The following FBXW7 variants were observed in gnomAD, a reference collection of about 807,000 sequenced individuals.
FBXW7 encodes the protein F-box/WD repeat-containing protein 7.
FBXW7 carries 11 observed loss-of-function variants against 86.3 expected under a neutral mutation model. The ratio of observed to expected loss-of-function variants is 0.13; its 90% CI spans 0.08 to 0.21. FBXW7 has a LOEUF of 0.21. Ranked by LOEUF, FBXW7 falls within the 10% of genes least tolerant of loss-of-function variation. The pLI is 1.00. For synonymous variants in FBXW7, 313 were observed against 297.9 expected (o/e 1.05, Z -0.52); for missense variants, 488 against 847.4 (o/e 0.58, Z 5.27).
At chr4:152,511,072 C>G (rs1429337078) in intron 2 of FBXW7, among the ~76,000 whole-genome samples, 2 of 144,680 alleles carry the variant, frequency 1.4e-5, no homozygotes, top group Non-Finnish European at 3.0e-5. Flanking sequence ...GACAGGGGGT[C>G]TCTTCATGTT....
chr4:152,517,649 AG>A, intron 2 of FBXW7, among the ~76,000 whole-genome samples: 1 of 152,244 alleles, frequency 6.6e-6, no homozygotes, highest in Non-Finnish European at 1.5e-5. Flanking sequence ...GCTATAAAAT[AG>A]GGATATTAAC....
At chr4:152,405,222 T>G (rs757639855) in intron 4 of FBXW7, among the ~76,000 whole-genome samples, 1 of 151,394 alleles carries the variant, frequency 6.6e-6, no homozygotes, top group Non-Finnish European at 1.5e-5. Context: ...CTCAAAAAAG[T>G]GAAGAATTAT....
At chr4:152,402,077 G>C (rs1031190553) in intron 4 of FBXW7, among the ~76,000 whole-genome samples, 2 of 152,128 alleles carry the variant, frequency 1.3e-5, no homozygotes, top group African/African-American at 4.8e-5. Flanking sequence ...AGGGGAGTGG[G>C]GGAAATTCCC....
intron 11 of FBXW7, 102 bp from the exon 12 acceptor site, chr4:152,326,333 G>A: frequency 1.6e-6 from 1 of 644,252 alleles, no homozygotes; most frequent in South Asian, 2.3e-5. Flanking sequence ...AGGTTTTTTA[G>A]CTTTTTTTTT....
chr4:152,321,407 T>C lies in FBXW7; in HGVS notation c.*1474A>G. On this transcript the variant is annotated 3_prime_UTR_variant, in exon 14 of 14. Coordinates refer to ENST00000281708, the MANE Select transcript of FBXW7 (RefSeq NM_001349798.2). ...CTAAAATTAACCAACTTGAATCTGA[T>C]TGTTTTAAATCAGACTATAAATAAA... 4.3e-6 allele frequency: 1 copy of C among 233,002 alleles called. No individual in the cohort carries two copies. Among genetic ancestry groups the C allele is most frequent in the East Asian group, 6.1e-5 (1 of 16,460 alleles). The allele number at this position is 233,002 out of a possible 1,614,324, so 14.4% of individuals were successfully genotyped here. A position where few individuals can be genotyped will look rare whatever the true frequency, so the allele number is the denominator to read the frequency against.
intron 4 of FBXW7, among the ~76,000 whole-genome samples, chr4:152,400,630 A>G (rs538969424): frequency 1.3e-5 from 2 of 152,154 alleles, no homozygotes; most frequent in Non-Finnish European, 2.9e-5. Context: ...TATAGGTGTG[A>G]GCCATGGCAC....
At chr4:152,341,963 G>A (rs1325224373) in intron 6 of FBXW7, among the ~76,000 whole-genome samples, 1 of 151,892 alleles carries the variant, frequency 6.6e-6, no homozygotes, top group African/African-American at 2.4e-5. Context: ...ACCTCTTCAG[G>A]CCTTAGTTTA....
chr4:152,405,881 G>C (rs1037113480), intron 4 of FBXW7, among the ~76,000 whole-genome samples: 5 of 152,196 alleles, frequency 3.3e-5, no homozygotes, highest in African/African-American at 1.2e-4. Context: ...ACTTGGTTTG[G>C]AGAAAGAAAC....
intron 2 of FBXW7, among the ~76,000 whole-genome samples, chr4:152,447,091 C>T (rs1191530172): frequency 6.6e-6 from 1 of 152,178 alleles, no homozygotes; most frequent in East Asian, 1.9e-4. Flanking sequence ...ATATTTTCAA[C>T]TTTCTAGAAA....
chr4:152,527,865 T>TATACACACAC (rs1554003395), intron 2 of FBXW7, among the ~76,000 whole-genome samples: 45 of 137,480 alleles, frequency 3.3e-4, no homozygotes, highest in South Asian at 1.3e-3. Context: ...AAAAATTATA[T>TATACACACAC]ACACACACAC....
intron 2 of FBXW7, among the ~76,000 whole-genome samples, chr4:152,446,343 G>C (rs986192523): frequency 2.3e-5 from 1 of 42,806 alleles, no homozygotes; most frequent in Non-Finnish European, 4.2e-5. Flanking sequence ...AAAAGTGAAA[G>C]GAGAGGTTTT....
Position 152,369,538 on chromosome 4 carries a change from G to A in FBXW7, c.502-19414C>T, listed in dbSNP as rs111306727. Among the ~76,000 whole-genome samples, 24 of 152,030 alleles carry A rather than the reference G, an allele frequency of 1.6e-4. 1 individual carries two copies. Among genetic ancestry groups the A allele is most frequent in the African/African-American group, 5.8e-4 (24 of 41,474 alleles). The stretch of plus-strand genomic sequence containing the variant: ...TTGTCTTCTTTTAAATATTAAGTCG[G>A]GGGAAAAGTTACTATATTTTGTAAT... On this transcript the variant is annotated intron_variant, in intron 4 of 13. Transcript: ENST00000281708.
chr4:152,508,594 T>G (rs955268811), intron 2 of FBXW7, among the ~76,000 whole-genome samples: 1 of 143,740 alleles, frequency 7.0e-6, no homozygotes, highest in Non-Finnish European at 1.5e-5. Flanking sequence ...CAGGCTGAGG[T>G]AGGAGGATCA....
chr4:152,337,975 A>C, intron 6 of FBXW7, 39 bp from the exon 7 acceptor site: 2 of 1,574,118 alleles, frequency 1.3e-6, no homozygotes, highest in Non-Finnish European at 1.7e-6. Context: ...GTTTTAACAG[A>C]TGTCCCAAAT....
intron 4 of FBXW7, among the ~76,000 whole-genome samples, chr4:152,396,155 A>G (rs1361473738): frequency 6.6e-6 from 1 of 151,986 alleles, no homozygotes; most frequent in Non-Finnish European, 1.5e-5. Flanking sequence ...GTTACAATAC[A>G]GGTGTATGAT....
At chr4:152,328,589 C>T (rs1004793519) in intron 10 of FBXW7, 200 bp from the exon 11 acceptor site, 30 of 417,478 alleles carry the variant, frequency 7.2e-5, no homozygotes, top group African/African-American at 5.8e-4. Flanking sequence ...TATATAAGCA[C>T]AAGCAATTGT....
At chr4:152,488,150 C>T (rs996968746) in intron 2 of FBXW7, among the ~76,000 whole-genome samples, 7 of 151,878 alleles carry the variant, frequency 4.6e-5, no homozygotes, top group African/African-American at 1.7e-4. Context: ...ATCACTTTGA[C>T]TAACTCTACA....
At chr4:152,512,183 T>C (rs914587921) in intron 2 of FBXW7, among the ~76,000 whole-genome samples, 13 of 152,206 alleles carry the variant, frequency 8.5e-5, no homozygotes, top group African/African-American at 3.1e-4. Flanking sequence ...TACTCCTTAG[T>C]TTGGCAGTAT....
chr4:152,499,312 A>T (rs1746683044), intron 2 of FBXW7, among the ~76,000 whole-genome samples: 1 of 152,202 alleles, frequency 6.6e-6, no homozygotes, highest in Non-Finnish European at 1.5e-5. Context: ...ACACAGATGC[A>T]TCTGATCAAT....
Sources: allele counts gnomAD v4.1 joint callset (sites outside exome capture counted in the v4.1 genomes callset), GRCh38; gene constraint gnomAD v4.1.1; transcripts MANE v1.5; gene names NCBI Gene and HGNC (gene_info 2026-07-23, HGNC 2026-07-21).